Variants in NOL10 observed in about 807,000 individuals in gnomAD.
NOL10 encodes the protein H_NH0074G24.1.
A neutral mutation model predicts 103.5 loss-of-function variants in NOL10; 58 were observed. That is an observed-to-expected ratio of 0.56 (90% CI 0.45 to 0.70). The LOEUF (loss-of-function observed/expected upper bound fraction) is 0.70. NOL10 is among the 30% of genes least tolerant of loss of function. The pLI is 0.00. For synonymous variants in NOL10, 287 were observed against 282.5 expected (o/e 1.02, Z -0.16); for missense variants, 763 against 807.3 (o/e 0.95, Z 0.67).
chr2:10,638,482 C>CTT (rs1378036555), intron 13 of NOL10, among the ~76,000 whole-genome samples: 2 of 93,680 alleles, frequency 2.1e-5, no homozygotes, highest in African/African-American at 8.2e-5. Flanking sequence ...AGCTGAATTC[C>CTT]CTTTTTTTTT....
At chr2:10,622,103 T>C in intron 13 of NOL10, 1 of 471,442 alleles carries the variant, frequency 2.1e-6, no homozygotes, top group Non-Finnish European at 4.4e-6. Context: ...ACAGAAACGC[T>C]GGTGGCAGAC....
rs781305965 is a variant in NOL10, at chr2:10,589,703, T to C, written c.1471A>G (p.Asn491Asp). ...TDDRFKVMFE[N>D]PDFQVDEESE... is the part of the protein sequence containing the mutation. Reference sequence around the variant, plus strand: ...TCTTCATCTACTTGGAAGTCAGGGTTCTCAAACATAACTTTAAATCGATCA... The same window carrying C: ...TCTTCATCTACTTGGAAGTCAGGGTCCTCAAACATAACTTTAAATCGATCA... The change falls in exon 18 of 21, where the codon AAC (asparagine) becomes GAC (aspartate). Residue 491 changes from asparagine to aspartate, a missense_variant. Physicochemically the swap from Asn to Asp is conservative, Grantham distance 23. Coordinates refer to ENST00000381685, the MANE Select transcript of NOL10 (RefSeq NM_024894.4). 1.3e-5 allele frequency: 20 copies of C among 1,580,692 alleles called. No individual in the cohort carries two copies. The highest frequency in any genetic ancestry group is 1.6e-5 in the Non-Finnish European group (19 of 1,165,434).
At chr2:10,603,653 A>G (rs1372589063) in intron 14 of NOL10, among the ~76,000 whole-genome samples, 5 of 152,224 alleles carry the variant, frequency 3.3e-5, no homozygotes, top group Non-Finnish European at 7.3e-5. Context: ...ACATACATAC[A>G]TGCATATTAA....
At chr2:10,627,532 G>A (rs1351726608) in intron 13 of NOL10, among the ~76,000 whole-genome samples, 3 of 151,858 alleles carry the variant, frequency 2.0e-5, no homozygotes, top group South Asian at 2.1e-4. Flanking sequence ...AAAATTAGTC[G>A]GGCGTGGTGG....
chr2:10,570,925 T>G lies in NOL10; in HGVS notation c.*1146A>C, dbSNP rs1220573541. On this transcript the variant is annotated 3_prime_UTR_variant, in exon 21 of 21. Transcript: ENST00000381685. ...GTTTCCCATTATTACAGGTTGGGTA[T>G]CCCTTATCTGAAATGCTTGGGACCA... is the stretch of plus-strand genomic sequence containing the variant. The G allele has an allele frequency of 6.6e-6, 1 of 152,146 alleles. No homozygotes were observed. The highest frequency in any genetic ancestry group is 2.4e-5 in the African/African-American group (1 of 41,412). 9.4% of individuals were successfully genotyped at this position (152,146 alleles called of 1,614,324 possible).
intron 6 of NOL10, among the ~76,000 whole-genome samples, chr2:10,670,347 C>A (rs1416317470): frequency 3.3e-5 from 5 of 152,120 alleles, no homozygotes; most frequent in Non-Finnish European, 7.4e-5. Flanking sequence ...TGAAATTGTA[C>A]TGAATTTTTG....
intron 17 of NOL10, among the ~76,000 whole-genome samples, chr2:10,594,931 AG>A: frequency 6.6e-6 from 1 of 152,264 alleles, no homozygotes; most frequent in South Asian, 2.1e-4. Context: ...CGAGAGACTG[AG>A]GCTGCAGTAA....
At chr2:10,655,467 G>C (rs976417776) in intron 11 of NOL10, among the ~76,000 whole-genome samples, 1 of 152,184 alleles carries the variant, frequency 6.6e-6, no homozygotes, top group Non-Finnish European at 1.5e-5. Context: ...TTAAGTGTTA[G>C]TTACTATGTA....
intron 19 of NOL10, among the ~76,000 whole-genome samples, chr2:10,578,980 A>C (rs1326816879): frequency 6.6e-6 from 1 of 152,232 alleles, no homozygotes; most frequent in Non-Finnish European, 1.5e-5. Context: ...TGAAGAAAGA[A>C]AAAGGCTGAA....
At chr2:10,621,891 A>G (rs2148221800) in intron 13 of NOL10, 1 of 340,672 alleles carries the variant, frequency 2.9e-6, no homozygotes, top group South Asian at 2.4e-5. Flanking sequence ...TAATGATCTC[A>G]CTTGACTCTG....
intron 13 of NOL10, among the ~76,000 whole-genome samples, chr2:10,617,191 G>A (rs1205630398): frequency 6.6e-6 from 1 of 152,146 alleles, no homozygotes; most frequent in Non-Finnish European, 1.5e-5. Context: ...GGGCAGGAGG[G>A]AGTGACCCTC....
At chr2:10,623,338 G>C (rs1677256756) in intron 13 of NOL10, among the ~76,000 whole-genome samples, 1 of 152,138 alleles carries the variant, frequency 6.6e-6, no homozygotes, top group South Asian at 2.1e-4. Flanking sequence ...TTCCCAAACA[G>C]ACTGAACGGA....
At chr2:10,651,538 G>A (rs367625315) in intron 12 of NOL10, among the ~76,000 whole-genome samples, 1 of 151,528 alleles carries the variant, frequency 6.6e-6, no homozygotes, top group East Asian at 1.9e-4. Flanking sequence ...TTTTTTCGTA[G>A]AATGTCTTTT....
intron 4 of NOL10, among the ~76,000 whole-genome samples, chr2:10,675,450 G>C (rs1681239757): frequency 6.6e-6 from 1 of 151,826 alleles, no homozygotes; most frequent in South Asian, 2.1e-4. Context: ...TTATTATTTT[G>C]GGGGTTTGGG....
chr2:10,609,310 G>A lies in NOL10; in HGVS notation c.1027-1999C>T, dbSNP rs146478768. Among the ~76,000 whole-genome samples the A allele has an allele frequency of 4.1e-3, 619 of 151,838 alleles. 6 individuals carry two copies. Among genetic ancestry groups the A allele is most frequent in the African/African-American group, 0.015 (602 of 41,362 alleles). The stretch of plus-strand genomic sequence containing the variant: ...GTCTATTTGAAAGGACTTCATGGCC[G>A]GGCGCGGTGGCTCACGCCTGTAATC... On this transcript the variant is annotated intron_variant, in intron 13 of 20. Transcript: ENST00000381685.
chr2:10,677,767 C>G (rs1681418061), intron 3 of NOL10, among the ~76,000 whole-genome samples: 1 of 151,702 alleles, frequency 6.6e-6, no homozygotes, highest in African/African-American at 2.4e-5. Context: ...GCCACCGCAC[C>G]CAGCTTAAAA....
intron 13 of NOL10, among the ~76,000 whole-genome samples, chr2:10,630,723 C>T (rs1458723476): frequency 6.6e-6 from 1 of 151,538 alleles, no homozygotes; most frequent in Non-Finnish European, 1.5e-5. Flanking sequence ...TCAGGAAAAA[C>T]AAAACAAAAA....
In NOL10 at chr2:10,587,218, CATATATATACAT is replaced by C. The variant is rs1558270755; in HGVS notation, c.1844+1813_1844+1824del. Among the ~76,000 whole-genome samples the C allele has an allele frequency of 4.0e-4, 17 of 42,934 alleles. 4 individuals carry two copies. The highest frequency in any genetic ancestry group is 7.7e-4 in the Admixed American group (3 of 3,906). The allele number at this position is 42,934 out of a possible 152,430, so 28.2% of individuals were successfully genotyped here. A position where few individuals can be genotyped will look rare whatever the true frequency, so the allele number is the denominator to read the frequency against. On this transcript the variant is annotated intron_variant, in intron 19 of 20. Transcript: ENST00000381685. ...ACATATATATACACATATATATATA[CATATATATACAT>C]ATATATATACATACATATATATATA...
At chr2:10,608,361 T>C (rs1676370606) in intron 13 of NOL10, among the ~76,000 whole-genome samples, 1 of 152,200 alleles carries the variant, frequency 6.6e-6, no homozygotes, top group Non-Finnish European at 1.5e-5. Context: ...ATAATCCACC[T>C]ACTTTCATAA....
Sources: allele counts gnomAD v4.1 joint callset (sites outside exome capture counted in the v4.1 genomes callset), GRCh38; gene constraint gnomAD v4.1.1; transcripts MANE v1.5; gene names NCBI Gene and HGNC (gene_info 2026-07-23, HGNC 2026-07-21).